ITIH1: variants seen among roughly 807,000 people sequenced by gnomAD.
ITIH1 encodes the protein inter-alpha-trypsin inhibitor heavy chain 1, also known as inter-alpha-trypsin inhibitor heavy chain H1.
In ITIH1, 94 loss-of-function variants were observed where a neutral mutation model predicts 104.6. The observed-to-expected ratio is 0.90, with a 90% CI of 0.76 to 1.07. The LOEUF (loss-of-function observed/expected upper bound fraction) is 1.07. Among genes scored for constraint, ITIH1 ranks in the 50% least tolerant of loss-of-function variants. The pLI is 0.00. For synonymous variants in ITIH1, 455 were observed against 464.4 expected (o/e 0.98, Z 0.26); for missense variants, 1,193 against 1,181.4 (o/e 1.01, Z -0.14).
At chr3:52,780,811 C>T (rs1699016386) in intron 6 of ITIH1, among the ~76,000 whole-genome samples, 1 of 152,232 alleles carries the variant, frequency 6.6e-6, no homozygotes, top group Non-Finnish European at 1.5e-5. Flanking sequence ...GACCTTTGGC[C>T]TACCCAACGA....
chr3:52,781,212 T>TTCTTCC (rs1699035790), intron 6 of ITIH1, among the ~76,000 whole-genome samples: 1 of 13,892 alleles, frequency 7.2e-5, no homozygotes, highest in Non-Finnish European at 1.5e-4. Context: ...TTTTTTTTTC[T>TTCTTCC]TCTTCTTCTT....
rs1699167946 is a variant in ITIH1 at position 52,785,123 on chromosome 3, C to T, written c.1487C>T (p.Thr496Ile). ...CCCCAGGATGCTGTCTTGGCCCTGA[C>T]CCAGAACCACCATAAACAGTACTAC... Reference protein sequence around the residue: ...QYPQDAVLALTQNHHKQYYEG... With the variant: ...QYPQDAVLALIQNHHKQYYEG... Residue 496 changes from threonine to isoleucine, a missense_variant, in exon 12 of 22, where the codon ACC (threonine) becomes ATC (isoleucine). Physicochemically the swap from Thr to Ile is moderately conservative, Grantham distance 89. Coordinates refer to ENST00000273283, the MANE Select transcript of ITIH1 (RefSeq NM_002215.4). 1.9e-6 allele frequency: 3 copies of T among 1,614,132 alleles called. No homozygotes were observed. The highest frequency in any genetic ancestry group is 3.3e-5 in the Admixed American group (2 of 60,014).
In ITIH1 at chr3:52,777,979, C is replaced by G; in HGVS notation, c.118-18C>G. 8 of 1,614,170 alleles carry G rather than the reference C, an allele frequency of 5.0e-6. No homozygotes were observed. Among genetic ancestry groups the G allele is most frequent in the Non-Finnish European group, 6.8e-6 (8 of 1,180,034 alleles). ...CCTGAGTTTTCCTCTCACACTTGAC[C>G]CTGATTTTGTTTTGCAGAAGCGACA... is the stretch of plus-strand genomic sequence containing the variant. On this transcript the variant is annotated intron_variant, in intron 1 of 21. Coordinates refer to ENST00000273283, the MANE Select transcript of ITIH1 (RefSeq NM_002215.4).
chr3:52,789,936 C>T, intron 19 of ITIH1, 82 bp downstream of exon 19: 1 of 1,407,336 alleles, frequency 7.1e-7, no homozygotes. Flanking sequence ...GGGCCCTCGT[C>T]CCTGAGCCAT....
intron 12 of ITIH1, among the ~76,000 whole-genome samples, chr3:52,785,803 C>A (rs1699182050): frequency 6.6e-6 from 1 of 152,220 alleles, no homozygotes; most frequent in South Asian, 2.1e-4. Context: ...CCTCAGTTTC[C>A]TTTTCTGTAC....
chr3:52,789,908 G>T, intron 19 of ITIH1, 54 bp downstream of exon 19: 2 of 1,568,138 alleles, frequency 1.3e-6, no homozygotes, highest in Admixed American at 3.3e-5. Flanking sequence ...CTGGGCCCAG[G>T]ACTCTGCTGA....
At chr3:52,790,581 A>G (rs1194831590) in intron 19 of ITIH1, 168 bp from the exon 20 acceptor site, 1 of 671,030 alleles carries the variant, frequency 1.5e-6, no homozygotes, top group African/African-American at 1.8e-5. Context: ...AAGGGCCCCA[A>G]GCAACATGTG....
At chr3:52,788,623 T>A (rs1699268050) in intron 18 of ITIH1, among the ~76,000 whole-genome samples, 1 of 150,376 alleles carries the variant, frequency 6.6e-6, no homozygotes, top group East Asian at 2.0e-4. Context: ...TACAGTGGCG[T>A]TATCTCAGCT....
At chr3:52,778,128 T>C in intron 2 of ITIH1, 111 bp downstream of exon 2, 2 of 1,293,214 alleles carry the variant, frequency 1.5e-6, no homozygotes, top group Non-Finnish European at 2.2e-6. Context: ...CATGGGGTAC[T>C]CTCCAGGGTC....
chr3:52,780,205 G>T (rs1412762005), intron 5 of ITIH1, 64 bp from the exon 6 acceptor site: 1 of 1,343,976 alleles, frequency 7.4e-7, no homozygotes, highest in Admixed American at 2.0e-5. Flanking sequence ...TTTGAGGCCA[G>T]CCTGGGCAAC....
chr3:52,790,663 G>A (rs2154108840), intron 19 of ITIH1, 86 bp from the exon 20 acceptor site: 1 of 1,410,932 alleles, frequency 7.1e-7, no homozygotes, highest in Non-Finnish European at 9.9e-7. Context: ...GTGGTCATAA[G>A]GGTTGGGTCC....
rs1357741659 is a variant in ITIH1 at position 52,779,339 on chromosome 3, GAAAT to G, written c.411-88_411-85del. On this transcript the variant is annotated intron_variant, in intron 4 of 21. Transcript: ENST00000273283. The surrounding 1 kb of genome is among the most constrained non-coding windows in gnomAD (Gnocchi z 4.4). ...ACCTGGGAGCAACACTCATCTAAGA[GAAAT>G]AAATTCTGTGGGCCACATGTTAGGT... The G allele has an allele frequency of 7.3e-7, 1 of 1,361,618 alleles. No individual in the cohort carries two copies. The highest frequency in any genetic ancestry group is 1.0e-6 in the Non-Finnish European group (1 of 956,322). The allele number at this position is 1,361,618 out of a possible 1,614,324, so 84.3% of individuals were successfully genotyped here. A position where few individuals can be genotyped will look rare whatever the true frequency, so the allele number is the denominator to read the frequency against.
chr3:52,780,483 G>C, intron 6 of ITIH1, 101 bp downstream of exon 6: 1 of 761,240 alleles, frequency 1.3e-6, no homozygotes, highest in East Asian at 2.7e-5. Flanking sequence ...ACCAGGCAGG[G>C]GCTGTGGTCT....
At chr3:52,780,423 G>A (rs200097946) in intron 6 of ITIH1, 41 bp downstream of exon 6, 1 of 1,409,186 alleles carries the variant, frequency 7.1e-7, no homozygotes, top group East Asian at 2.3e-5. Flanking sequence ...GCCCTTTGGA[G>A]ACTTCTCAGC....
chr3:52,787,243 T>A lies in ITIH1; in HGVS notation c.1903+41T>A, dbSNP rs768277197. 1.5e-5 allele frequency: 24 copies of A among 1,612,964 alleles called. No homozygotes were observed. In the Admixed American group the frequency reaches 3.5e-4, roughly 24 times the overall value. On this transcript the variant is annotated intron_variant, in intron 15 of 21. Transcript: ENST00000273283. ...CATTAGTTTCAGTTCTGGGCTTCGG[T>A]AGCTGGGCAGGTGGCAGGTGCTCCA... is the stretch of plus-strand genomic sequence containing the variant.
chr3:52,790,912 G>A lies in ITIH1; in HGVS notation c.2485G>A (p.Gly829Arg), dbSNP rs374898847. The A allele has an allele frequency of 5.2e-5, 84 of 1,602,290 alleles. No homozygotes were observed. Among genetic ancestry groups the A allele is most frequent in the Non-Finnish European group, 6.5e-5 (76 of 1,175,930 alleles). ...DSHRMSARTHGLLGQFFHPIG... is the reference protein window; with the variant it reads ...DSHRMSARTHRLLGQFFHPIG... Reference sequence around the variant, plus strand: ...TCATCGGATGTCAGCCCGGACGCACGGGCTGCTGGGTACGGCTGGCCAGGC... The same window carrying A: ...TCATCGGATGTCAGCCCGGACGCACAGGCTGCTGGGTACGGCTGGCCAGGC... Residue 829 changes from glycine to arginine, a missense_variant, in exon 20 of 22, where the codon GGG becomes AGG. By Grantham distance (125) the Gly-to-Arg change is moderately radical. Coordinates refer to ENST00000273283, the MANE Select transcript of ITIH1 (RefSeq NM_002215.4).
intron 20 of ITIH1, 131 bp from the exon 21 acceptor site, chr3:52,791,386 T>C (rs1699351057): frequency 4.6e-6 from 3 of 654,840 alleles, no homozygotes; most frequent in Non-Finnish European, 7.9e-6. Context: ...CTGGGACTGT[T>C]AGCAGAAACA....
At chr3:52,786,905 G>A (rs1699217907) in intron 13 of ITIH1, 40 bp from the exon 14 acceptor site, 2 of 1,573,894 alleles carry the variant, frequency 1.3e-6, no homozygotes, top group African/African-American at 2.7e-5. Flanking sequence ...TGAGGGCCGT[G>A]CAAGTCGGGG....
rs1699308421 is a variant in ITIH1 at position 52,789,909 on chromosome 3, A to T, written c.2321+55A>T. On this transcript the variant is annotated intron_variant, in intron 19 of 21. Transcript: ENST00000273283. ...GGGGGAGGTGTGGCCTGGGCCCAGG[A>T]CTCTGCTGAGTCTGCAGGGCCCTCG... 15 of 1,565,510 alleles carry T rather than the reference A, an allele frequency of 9.6e-6. No homozygotes were observed. In the South Asian group the frequency reaches 1.7e-4, roughly 17 times the overall value.
Sources: allele counts gnomAD v4.1 joint callset (sites outside exome capture counted in the v4.1 genomes callset), GRCh38; gene constraint gnomAD v4.1.1; non-coding constraint Gnocchi (gnomAD v3.1); transcripts MANE v1.5; gene names NCBI Gene and HGNC (gene_info 2026-07-23, HGNC 2026-07-21).